The following AVEN variants were observed in gnomAD, a reference collection of about 807,000 sequenced individuals.
AVEN encodes cell death regulator Aven.
Under a neutral mutation model 38.1 loss-of-function variants are expected in AVEN, and 41 were observed. The ratio of observed to expected loss-of-function variants is 1.08; its 90% CI spans 0.84 to 1.40. The LOEUF (loss-of-function observed/expected upper bound fraction) is 1.40, where lower values mean the gene tolerates loss of function less well. Ranked by LOEUF, AVEN falls within the 40% of genes most tolerant of loss-of-function variation. The pLI, the probability that AVEN is intolerant of heterozygous loss-of-function variation, is 0.00. For missense variants in AVEN, 605 were observed against 438.8 expected, an observed-to-expected ratio of 1.38 and a Z score of -3.38; for synonymous variants, 206 against 171.8, an observed-to-expected ratio of 1.20 and a Z score of -1.56.
At chr15:33,929,207 G>A (rs150420783) in intron 2 of AVEN, among the ~76,000 whole-genome samples, 38 of 152,226 alleles carry the variant, frequency 2.5e-4, no homozygotes, top group Admixed American at 7.2e-4. Flanking sequence ...CTTAGCACCT[G>A]AATCTCAGCA....
chr15:33,890,149 CAA>C (rs1891876185), intron 2 of AVEN, among the ~76,000 whole-genome samples: 1 of 152,174 alleles, frequency 6.6e-6, no homozygotes, highest in African/African-American at 2.4e-5. Context: ...TTTACTTCCT[CAA>C]GGGATAATAC....
At chr15:33,864,106 G>T, downstream of AVEN, 1 of 1,553,808 alleles carries the variant, frequency 6.4e-7, no homozygotes, top group South Asian at 1.1e-5. Context: ...GTCTTGACCA[G>T]AGTATCTAAT....
At chr15:34,018,148 T>A (rs2140700464) in intron 1 of AVEN, 1 of 152,362 alleles carries the variant, frequency 6.6e-6, no homozygotes, top group African/African-American at 2.4e-5. Flanking sequence ...AGCAGGTCCT[T>A]CAGGAGCTAT....
chr15:33,966,893 GTCATCGA>G (rs1172785158), intron 2 of AVEN, among the ~76,000 whole-genome samples: 1 of 152,104 alleles, frequency 6.6e-6, no homozygotes, highest in Admixed American at 6.6e-5. Context: ...TAATATTATA[GTCATCGA>G]TCCTCATAAA....
chr15:33,894,822 AT>A (rs780568060), intron 2 of AVEN, among the ~76,000 whole-genome samples: 51,512 of 90,378 alleles, frequency 0.57, 12,292 homozygotes, highest in Admixed American at 0.67. Context: ...AAAAAAAAAA[AT>A]AATAACAATA....
At chr15:34,037,123 A>AT (rs1899175649) in intron 1 of AVEN, among the ~76,000 whole-genome samples, 1 of 149,918 alleles carries the variant, frequency 6.7e-6, no homozygotes, top group African/African-American at 2.5e-5. Flanking sequence ...AAAAAAAAAA[A>AT]AATATATACC....
intron 2 of AVEN, among the ~76,000 whole-genome samples, chr15:33,985,785 C>T (rs796757606): frequency 6.6e-5 from 10 of 152,228 alleles, no homozygotes; most frequent in African/African-American, 2.4e-4. Flanking sequence ...TGGCCATGTA[C>T]GCAGTCACTT....
chr15:33,891,897 T>C (rs1328173709), intron 2 of AVEN, among the ~76,000 whole-genome samples: 1 of 152,222 alleles, frequency 6.6e-6, no homozygotes, highest in Non-Finnish European at 1.5e-5. Context: ...ATCTGTTGTT[T>C]CCTGACTTCT....
chr15:33,908,054 A>G (rs1892773918), intron 2 of AVEN, among the ~76,000 whole-genome samples: 1 of 152,246 alleles, frequency 6.6e-6, no homozygotes, highest in Admixed American at 6.5e-5. Flanking sequence ...TTTACATTGT[A>G]TATTTTACAA....
chr15:34,047,424 C>T (rs532676269), intron 5 of AVEN, among the ~76,000 whole-genome samples: 3 of 152,124 alleles, frequency 2.0e-5, no homozygotes, highest in Admixed American at 1.3e-4. Context: ...CCTGGCAAGG[C>T]GGGAGGTCCA....
chr15:34,031,719 T>C (rs1567478703), intron 1 of AVEN, among the ~76,000 whole-genome samples: 1 of 152,172 alleles, frequency 6.6e-6, no homozygotes, highest in Non-Finnish European at 1.5e-5. Flanking sequence ...GGCAGTGTTG[T>C]TCTTCACAGG....
chr15:33,983,068 T>C (rs566569385), intron 2 of AVEN, among the ~76,000 whole-genome samples: 40 of 151,978 alleles, frequency 2.6e-4, no homozygotes, highest in African/African-American at 9.6e-4. Context: ...CAACGGATTT[T>C]AGACGTGGAT....
intron 2 of AVEN, among the ~76,000 whole-genome samples, chr15:33,934,730 C>T (rs1054172583): frequency 2.6e-5 from 4 of 152,180 alleles, no homozygotes; most frequent in African/African-American, 4.8e-5. Context: ...ATCCTGGTTA[C>T]GCTCTCTCAG....
At chr15:34,034,445 T>A (rs867128036) in intron 1 of AVEN, among the ~76,000 whole-genome samples, 164 of 86,156 alleles carry the variant, frequency 1.9e-3, no homozygotes, top group Non-Finnish European at 3.7e-3. Flanking sequence ...AGTTTCTTTT[T>A]TAAAAAAAAA....
chr15:33,927,431 T>G (rs1893664194), intron 2 of AVEN, among the ~76,000 whole-genome samples: 1 of 152,140 alleles, frequency 6.6e-6, no homozygotes, highest in African/African-American at 2.4e-5. Context: ...GATAGTTAAT[T>G]CATCTCAATG....
At chr15:33,891,292 A>ATTT (rs1891948395) in intron 2 of AVEN, among the ~76,000 whole-genome samples, 1 of 152,056 alleles carries the variant, frequency 6.6e-6, no homozygotes, top group Non-Finnish European at 1.5e-5. Context: ...TGCAGGTTTG[A>ATTT]TATATAGGTA....
intron 2 of AVEN, among the ~76,000 whole-genome samples, chr15:33,977,864 G>A (rs562479161): frequency 6.6e-6 from 1 of 152,104 alleles, no homozygotes; most frequent in African/African-American, 2.4e-5. Context: ...TTGAGCCCAG[G>A]AGGTCAAAGC....
intron 1 of AVEN, among the ~76,000 whole-genome samples, chr15:34,017,695 G>A (rs915698163): frequency 5.1e-4 from 77 of 152,042 alleles, no homozygotes; most frequent in African/African-American, 1.8e-3. Context: ...GGCCAGGCAG[G>A]TCTCGAACTC....
downstream of AVEN, chr15:33,856,000 G>A (rs180881457): frequency 6.6e-6 from 1 of 152,248 alleles, no homozygotes; most frequent in East Asian, 1.9e-4. Context: ...AAGTTACAGT[G>A]TGCCAAGCTC....
Sources: gnomAD v4.1 joint callset for allele counts (sites outside exome capture counted in the v4.1 genomes callset) on GRCh38, gnomAD v4.1.1 for gene constraint, MANE v1.5 for transcripts, NCBI Gene and HGNC (gene_info 2026-07-23, HGNC 2026-07-21) for gene names.